The following TRAK2 variants were observed in gnomAD, a reference collection of about 807,000 sequenced individuals.
TRAK2 encodes trafficking kinesin-binding protein 2.
A neutral mutation model predicts 104.6 loss-of-function variants in TRAK2; 81 were observed. That is an observed-to-expected ratio of 0.77 (90% CI 0.65 to 0.93). TRAK2 has a LOEUF of 0.93. Among genes scored for constraint, TRAK2 ranks in the 40% least tolerant of loss-of-function variants. The probability of loss-of-function intolerance (pLI) is 0.00; values close to 1 mark genes in which losing one functional copy is unlikely to be tolerated. For missense variants in TRAK2, 1,002 were observed against 1,089.0 expected (o/e 0.92, Z 1.12); for synonymous variants, 406 against 394.4 (o/e 1.03, Z -0.35).
In TRAK2 at chr2:201,430,441, G is replaced by C. The variant is rs547149409; in HGVS notation, c.-199-9735C>G. Among the ~76,000 whole-genome samples, 333 of 152,380 alleles carry C rather than the reference G, an allele frequency of 2.2e-3. 2 individuals carry two copies. Among genetic ancestry groups the C allele is most frequent in the African/African-American group, 7.9e-3 (328 of 41,598 alleles). The stretch of plus-strand genomic sequence containing the variant: ...TGTCCCCAGAGGTGGAGTCTACAGA[G>C]GCAGGCAGGCCTGCTTGAGCTGTGG... On this transcript the variant is annotated intron_variant, in intron 1 of 15. Coordinates refer to ENST00000332624, the MANE Select transcript of TRAK2 (RefSeq NM_015049.3).
At chr2:201,409,714 A>C (rs1951627506) in intron 2 of TRAK2, among the ~76,000 whole-genome samples, 3 of 152,254 alleles carry the variant, frequency 2.0e-5, no homozygotes, top group Admixed American at 2.0e-4. Context: ...AAAAGCAAAT[A>C]AGCTGATCTC....
At position 201,386,871 on chromosome 2, in the gene TRAK2, T is replaced by C. The variant is rs149902776; in HGVS notation, c.1697-387A>G. ...GGAACTATGCCTATGAAGGTGAAAG[T>C]CAAAAGCCAGGCTCCCAGGGAGAAT... On this transcript the variant is annotated intron_variant, in intron 13 of 15. Coordinates refer to ENST00000332624, the MANE Select transcript of TRAK2 (RefSeq NM_015049.3). 4.6e-5 allele frequency among the ~76,000 whole-genome samples: 7 copies of C among 152,246 alleles called. No individual in the cohort carries two copies. In the East Asian group the frequency reaches 1.4e-3, roughly 29 times the overall value.
chr2:201,411,218 T>C (rs1951643957), intron 2 of TRAK2: 1 of 719,098 alleles, frequency 1.4e-6, no homozygotes, highest in Non-Finnish European at 2.5e-6. Flanking sequence ...GTGTGTACAC[T>C]TGGGGTTTAA....
intron 1 of TRAK2, among the ~76,000 whole-genome samples, chr2:201,425,872 T>C (rs371702178): frequency 1.3e-5 from 2 of 152,224 alleles, no homozygotes; most frequent in African/African-American, 4.8e-5. Context: ...CTTTTAATCA[T>C]ATCTGAATCA....
chr2:201,430,529 C>T (rs369330434), intron 1 of TRAK2, among the ~76,000 whole-genome samples: 23 of 152,210 alleles, frequency 1.5e-4, no homozygotes, highest in South Asian at 4.1e-4. Context: ...TCAGCAATGG[C>T]GGACGCCCCT....
chr2:201,411,472 T>C, intron 2 of TRAK2: 3 of 744,362 alleles, frequency 4.0e-6, no homozygotes, highest in Non-Finnish European at 7.6e-6. Flanking sequence ...TCCAAAGATT[T>C]CTGTTGTTCT....
intron 1 of TRAK2, among the ~76,000 whole-genome samples, chr2:201,448,563 T>C (rs535519372): frequency 1.3e-5 from 2 of 152,330 alleles, no homozygotes; most frequent in African/African-American, 4.8e-5. Context: ...CTCCTATTTC[T>C]TACCAACTAA....
chr2:201,389,970 A>G, intron 10 of TRAK2, 90 bp from the exon 11 acceptor site: 2 of 911,082 alleles, frequency 2.2e-6, no homozygotes, highest in Non-Finnish European at 3.3e-6. Flanking sequence ...TTTATAATAA[A>G]ATACAAGGAA....
intron 1 of TRAK2, among the ~76,000 whole-genome samples, chr2:201,443,763 C>T (rs1951943716): frequency 6.6e-6 from 1 of 152,168 alleles, no homozygotes; most frequent in African/African-American, 2.4e-5. Flanking sequence ...TTCCACCATC[C>T]TAGTTCAAGC....
rs369373995 is a variant in TRAK2, at chr2:201,405,722, C to T, written c.286+1681G>A. Among the ~76,000 whole-genome samples the T allele has an allele frequency of 4.5e-4, 69 of 152,290 alleles. No homozygotes were observed. In the East Asian group the frequency reaches 0.012, roughly 26 times the overall value. On this transcript the variant is annotated intron_variant, in intron 3 of 15. Coordinates refer to ENST00000332624, the MANE Select transcript of TRAK2 (RefSeq NM_015049.3). ...AATTTAGGCCGGGCGCAGTGGCTCA[C>T]GCCTGTAATCCCAGCACTCTGGGAG...
Position 201,380,631 on chromosome 2 carries a change from CTCCTTAG to C in TRAK2, c.2650_2656del (p.Leu884GlyfsTer8), listed in dbSNP as rs757350419. Reference sequence around the variant, plus strand: ...CATTATGACTGGAAGACTCTGATTCCTCCTTAGTCCACCTAATAAACTGCTACCTGAA... The same window carrying C: ...CATTATGACTGGAAGACTCTGATTCCTCCACCTAATAAACTGCTACCTGAA... On this transcript the variant is annotated frameshift_variant, in exon 16 of 16. Transcript: ENST00000332624. LOFTEE classifies it high-confidence loss of function. 2 of 1,614,020 alleles carry C rather than the reference CTCCTTAG, an allele frequency of 1.2e-6. No homozygotes were observed. The highest frequency in any genetic ancestry group is 4.5e-5 in the East Asian group (2 of 44,882).
intron 1 of TRAK2, among the ~76,000 whole-genome samples, chr2:201,426,253 G>A (rs1432951482): frequency 2.0e-5 from 3 of 152,088 alleles, no homozygotes; most frequent in Non-Finnish European, 2.9e-5. Context: ...ATAGGAGCTC[G>A]AAACTTACTG....
Position 201,395,379 on chromosome 2 carries a change from G to A in TRAK2, c.835C>T (p.Arg279Ter). ...ELSGKSDELI[R>*]YQEELSSLLS... Reference sequence around the variant, plus strand: ...AGAGAGGAAAGCTCTTCTTGGTATCGAATCAGCTCATCACTCTTCCCTGAC... The same window carrying A: ...AGAGAGGAAAGCTCTTCTTGGTATCAAATCAGCTCATCACTCTTCCCTGAC... The change falls in exon 8 of 16, where the codon CGA (arginine) becomes TGA (stop). Residue 279 changes from arginine to a stop codon, truncating the protein, a stop_gained. Transcript: ENST00000332624. LOFTEE classifies it high-confidence loss of function. 1.9e-6 allele frequency: 3 copies of A among 1,603,106 alleles called. No individual in the cohort carries two copies. The highest frequency in any genetic ancestry group is 2.6e-6 in the Non-Finnish European group (3 of 1,172,088).
rs1559437168 is a variant in TRAK2 at position 201,386,471 on chromosome 2, CAG to C, written c.1708_1709del (p.Leu570ValfsTer16). 3.1e-6 allele frequency: 5 copies of C among 1,614,084 alleles called. No homozygotes were observed. Among genetic ancestry groups the C allele is most frequent in the Admixed American group, 3.3e-5 (2 of 60,018 alleles). On this transcript the variant is annotated frameshift_variant, in exon 14 of 16. Coordinates refer to ENST00000332624, the MANE Select transcript of TRAK2 (RefSeq NM_015049.3). LOFTEE classifies it high-confidence loss of function. ...GTTGAGCAAGCTGCTGCCAGTGATA[CAG>C]AGTTTGTGATCCTGAATATGCAAAA... ...IVKPLEGSQT[L>X]YHWQQLAQPN...
At chr2:201,429,899 G>A (rs1249130894) in intron 1 of TRAK2, among the ~76,000 whole-genome samples, 1 of 152,252 alleles carries the variant, frequency 6.6e-6, no homozygotes, top group Admixed American at 6.5e-5. Context: ...GCGAGGAGAT[G>A]CATTCCTTTG....
intron 1 of TRAK2, among the ~76,000 whole-genome samples, chr2:201,432,495 A>C (rs749597059): frequency 2.0e-5 from 3 of 152,258 alleles, no homozygotes; most frequent in Non-Finnish European, 4.4e-5. Context: ...ATCCATGCAC[A>C]TTAAGAAGAA....
intron 13 of TRAK2, among the ~76,000 whole-genome samples, chr2:201,386,726 C>A (rs1485936973): frequency 2.0e-5 from 3 of 151,998 alleles, no homozygotes; most frequent in Non-Finnish European, 2.9e-5. Flanking sequence ...TGAAAAAAAA[C>A]CCAAGGAGAC....
Position 201,447,105 on chromosome 2 carries a change from A to C in TRAK2, c.-200+4245T>G, listed in dbSNP as rs1951970719. On this transcript the variant is annotated intron_variant, in intron 1 of 15. Transcript: ENST00000332624. The surrounding 1 kb of genome is among the most constrained non-coding windows in gnomAD (Gnocchi z 4.1). ...CTTGTCTCCGGTCTTATTACCTTTCATTTATCCTTTACAAGTCTTAGTCTT... is the reference window on the plus strand; with the variant it reads ...CTTGTCTCCGGTCTTATTACCTTTCCTTTATCCTTTACAAGTCTTAGTCTT... Among the ~76,000 whole-genome samples, 1 of 152,166 alleles carries C rather than the reference A, an allele frequency of 6.6e-6. No individual in the cohort carries two copies. Among genetic ancestry groups the C allele is most frequent in the Non-Finnish European group, 1.5e-5 (1 of 68,020 alleles).
intron 9 of TRAK2, 58 bp downstream of exon 9, chr2:201,394,740 T>C (rs779979454): frequency 2.4e-4 from 319 of 1,310,446 alleles, no homozygotes; most frequent in Non-Finnish European, 3.4e-4. Flanking sequence ...TTCATGAAGA[T>C]GAAAGAAACT....
Sources: gnomAD v4.1 joint callset for allele counts (sites outside exome capture counted in the v4.1 genomes callset) on GRCh38, gnomAD v4.1.1 for gene constraint, Gnocchi (gnomAD v3.1) non-coding constraint, MANE v1.5 for transcripts, NCBI Gene and HGNC (gene_info 2026-07-23, HGNC 2026-07-21) for gene names.